Variants in ZNF71 observed in about 807,000 individuals in gnomAD.
ZNF71 encodes zinc finger protein 71, also known as endothelial zinc finger protein induced by tumor necrosis factor alpha.
ZNF71 carries 3 observed loss-of-function variants against 6.7 expected under a neutral mutation model. That is an observed-to-expected ratio of 0.45 (90% CI 0.20 to 1.16). The LOEUF is 1.16. ZNF71 is among the 50% of genes most tolerant of loss of function. The pLI is 0.25. For synonymous variants in ZNF71, 343 were observed against 311.1 expected, an observed-to-expected ratio of 1.10 and a Z score of -1.08; for missense variants, 688 against 728.6, an observed-to-expected ratio of 0.94 and a Z score of 0.64.
In ZNF71 at chr19:56,621,648, C is replaced by A. The variant is rs775961190; in HGVS notation, c.541C>A (p.Pro181Thr). Residue 181 changes from proline to threonine, a missense_variant, in exon 4 of 4, where the codon CCC becomes ACC. Coordinates refer to ENST00000599599, the MANE Select transcript of ZNF71 (RefSeq NM_001370215.1). ...FSSTSDLSKP[P>T]MPCEEKKTYD... ...CAGCACTTCAGACCTCAGTAAGCCC[C>A]CCATGCCCTGCGAGGAGAAGAAAAC... 3.1e-6 allele frequency: 5 copies of A among 1,614,106 alleles called. No individual in the cohort carries two copies. Among genetic ancestry groups the A allele is most frequent in the Non-Finnish European group, 4.2e-6 (5 of 1,180,048 alleles).
intron 2 of ZNF71, among the ~76,000 whole-genome samples, chr19:56,609,336 T>G (rs2044732436): frequency 6.6e-6 from 1 of 152,120 alleles, no homozygotes; most frequent in Non-Finnish European, 1.5e-5. Flanking sequence ...GACACATTAA[T>G]ATCCAGTGCT....
intron 1 of ZNF71, among the ~76,000 whole-genome samples, chr19:56,596,342 G>C (rs1007940275): frequency 6.6e-6 from 1 of 152,106 alleles, no homozygotes; most frequent in East Asian, 1.9e-4. Context: ...GCGTCTGGGT[G>C]TGCCTCTTCC....
rs2044817428 is a variant in ZNF71 at position 56,618,687 on chromosome 19, G to C, written c.161-2581G>C. 6.6e-6 allele frequency among the ~76,000 whole-genome samples: 1 copy of C among 150,830 alleles called. No individual in the cohort carries two copies. Among genetic ancestry groups the C allele is most frequent in the Non-Finnish European group, 1.5e-5 (1 of 67,652 alleles). On this transcript the variant is annotated intron_variant, in intron 3 of 3. Coordinates refer to ENST00000599599, the MANE Select transcript of ZNF71 (RefSeq NM_001370215.1). This position sits in a 1 kb window ranked among gnomAD's most constrained non-coding sequence, Gnocchi z 4.6. ...GTCCACGGCAGGTCCACAGGACAGT[G>C]GATGCAGAGGCCCTGAGGCAGGAAG...
At chr19:56,609,590 C>G (rs1241641688) in intron 2 of ZNF71, among the ~76,000 whole-genome samples, 1 of 130,222 alleles carries the variant, frequency 7.7e-6, no homozygotes, top group Non-Finnish European at 1.6e-5. Context: ...GCATACGATA[C>G]AGATTTTGCC....
At chr19:56,608,103 T>C (rs2044723498) in intron 2 of ZNF71, among the ~76,000 whole-genome samples, 1 of 152,042 alleles carries the variant, frequency 6.6e-6, no homozygotes, top group South Asian at 2.1e-4. Flanking sequence ...TTTTTCCCCC[T>C]AAATTTCTTA....
rs951747351 is a variant in ZNF71, at chr19:56,620,759, G to GT, written c.161-508dup. Reference sequence around the variant, plus strand: ...GGGTCTCACTATGTTGCCCAGGCTGGTCTCAAGCAATCCTTGCCTCAGCCT... The same window carrying GT: ...GGGTCTCACTATGTTGCCCAGGCTGGTTCTCAAGCAATCCTTGCCTCAGCCT... On this transcript the variant is annotated intron_variant, in intron 3 of 3. Transcript: ENST00000599599. Among the ~76,000 whole-genome samples the GT allele has an allele frequency of 5.9e-5, 9 of 152,198 alleles. No homozygotes were observed. In the South Asian group the frequency reaches 8.3e-4, roughly 14 times the overall value.
chr19:56,599,616 A>G (rs1298768212), intron 1 of ZNF71, among the ~76,000 whole-genome samples: 6 of 152,270 alleles, frequency 3.9e-5, no homozygotes, highest in East Asian at 1.9e-4. Flanking sequence ...TAATAATCAC[A>G]TCAGGATAAA....
chr19:56,598,913 A>G lies in ZNF71; in HGVS notation c.-52-2594A>G, dbSNP rs140498895. Reference sequence around the variant, plus strand: ...TGGTTCTTACGCTTTAAGACGTGTCAGAATCACCTGGGAAACTTGCTTAGA... The same window carrying G: ...TGGTTCTTACGCTTTAAGACGTGTCGGAATCACCTGGGAAACTTGCTTAGA... On this transcript the variant is annotated intron_variant, in intron 1 of 3. Transcript: ENST00000599599. The surrounding 1 kb of genome is among the most constrained non-coding windows in gnomAD (Gnocchi z 4.2). Among the ~76,000 whole-genome samples, 546 of 152,350 alleles carry G rather than the reference A, an allele frequency of 3.6e-3. 5 individuals are homozygous for G. The highest frequency in any genetic ancestry group is 0.012 in the African/African-American group (502 of 41,580).
chr19:56,620,514 C>CT (rs1044130731), intron 3 of ZNF71, among the ~76,000 whole-genome samples: 1 of 151,980 alleles, frequency 6.6e-6, no homozygotes, highest in Non-Finnish European at 1.5e-5. Context: ...TCTTTTTCTT[C>CT]TTTTTTCAAT....
In ZNF71 at chr19:56,606,547, G is replaced by A. The variant is rs549405169; in HGVS notation, c.33+4956G>A. On this transcript the variant is annotated intron_variant, in intron 2 of 3. Coordinates refer to ENST00000599599, the MANE Select transcript of ZNF71 (RefSeq NM_001370215.1). ...GTTGATGGGCTCAGCTGGGCAGTTCGTGCCTGGCATCTCTTGTGTGGTGGC... is the reference window on the plus strand; with the variant it reads ...GTTGATGGGCTCAGCTGGGCAGTTCATGCCTGGCATCTCTTGTGTGGTGGC... 5.9e-5 allele frequency among the ~76,000 whole-genome samples: 9 copies of A among 152,222 alleles called. No individual in the cohort carries two copies. In the South Asian group the frequency reaches 1.0e-3, roughly 18 times the overall value.
intron 1 of ZNF71, among the ~76,000 whole-genome samples, chr19:56,596,519 G>A (rs1006391273): frequency 6.6e-6 from 1 of 152,178 alleles, no homozygotes; most frequent in African/African-American, 2.4e-5. Flanking sequence ...AGGGGAAAAG[G>A]AAGGCTGTTT....
At chr19:56,595,853 TTGTGTGTGTGTG>T (rs60371305) in intron 1 of ZNF71, among the ~76,000 whole-genome samples, 1 of 137,500 alleles carries the variant, frequency 7.3e-6, no homozygotes, top group Non-Finnish European at 1.6e-5. Context: ...GTGTGTGTGT[TTGTGTGTGTGTG>T]TGTGTGTGTG....
intron 3 of ZNF71, among the ~76,000 whole-genome samples, chr19:56,619,476 G>GT (rs2044826047): frequency 6.6e-6 from 1 of 152,188 alleles, no homozygotes; most frequent in South Asian, 2.1e-4. Context: ...TTTAAAAAAT[G>GT]TTTTTCATGG....
intron 2 of ZNF71, among the ~76,000 whole-genome samples, chr19:56,606,987 C>A (rs1340824352): frequency 6.6e-6 from 1 of 152,092 alleles, no homozygotes; most frequent in Non-Finnish European, 1.5e-5. Flanking sequence ...CTATTGTCTA[C>A]CAAAGCTGAC....
chr19:56,617,722 T>C (rs1343430549), intron 3 of ZNF71, among the ~76,000 whole-genome samples: 2 of 152,084 alleles, frequency 1.3e-5, no homozygotes, highest in African/African-American at 2.4e-5. Flanking sequence ...GGAACTGTGT[T>C]TTCACAGCTG....
chr19:56,622,602 A>G lies in ZNF71; in HGVS notation c.1495A>G (p.Arg499Gly), dbSNP rs749951818. Residue 499 changes from arginine to glycine, a missense_variant, in exon 4 of 4, where the codon AGG becomes GGG. Arg to Gly is a moderately radical substitution (Grantham distance 125). Transcript: ENST00000599599. ...QRIHTGEKPY[R>G]CGQCGKSFIK... The stretch of plus-strand genomic sequence containing the variant: ...GATCCACACCGGCGAGAAGCCGTAC[A>G]GGTGCGGCCAGTGCGGGAAGTCCTT... 1.2e-6 allele frequency: 2 copies of G among 1,611,488 alleles called. No individual in the cohort carries two copies. Among genetic ancestry groups the G allele is most frequent in the Non-Finnish European group, 8.5e-7 (1 of 1,178,896 alleles).
intron 3 of ZNF71, among the ~76,000 whole-genome samples, chr19:56,615,086 C>G (rs889787702): frequency 1.5e-4 from 23 of 152,136 alleles, no homozygotes; most frequent in African/African-American, 5.5e-4. Context: ...ATTTTTATCT[C>G]TGTGTATTAT....
intron 3 of ZNF71, among the ~76,000 whole-genome samples, chr19:56,617,808 G>A (rs2044808291): frequency 2.0e-5 from 3 of 152,118 alleles, no homozygotes; most frequent in Admixed American, 6.5e-5. Context: ...AAGGGAGGTG[G>A]CTTCCTCCCC....
rs1600578640 is a variant in ZNF71, at chr19:56,595,343, G to T, written c.-138G>T. 1 of 152,690 alleles carries T rather than the reference G, an allele frequency of 6.5e-6. No individual in the cohort carries two copies. The highest frequency in any genetic ancestry group is 1.9e-4 in the East Asian group (1 of 5,174). The allele number at this position is 152,690 out of a possible 1,614,324, so 9.5% of individuals were successfully genotyped here. The stretch of plus-strand genomic sequence containing the variant: ...GGCGAGCCGGTGAGTGTGGCTGCGG[G>T]GTCGCGCCCACCCTCTACCTGTGCC... On this transcript the variant is annotated 5_prime_UTR_variant, in exon 1 of 4. Transcript: ENST00000599599.
Sources: gnomAD v4.1 joint callset for allele counts (sites outside exome capture counted in the v4.1 genomes callset) on GRCh38, gnomAD v4.1.1 for gene constraint, Gnocchi (gnomAD v3.1) non-coding constraint, MANE v1.5 for transcripts, NCBI Gene and HGNC (gene_info 2026-07-23, HGNC 2026-07-21) for gene names.